Variants in ARFGEF1 observed in about 807,000 individuals in gnomAD.
The protein encoded by ARFGEF1 is ARF guanine nucleotide exchange factor 1.
A neutral mutation model predicts 231.0 loss-of-function variants in ARFGEF1; 42 were observed. That is an observed-to-expected ratio of 0.18 (90% CI 0.14 to 0.24). The LOEUF (loss-of-function observed/expected upper bound fraction) is 0.24. Ranked by LOEUF, ARFGEF1 falls within the 10% of genes least tolerant of loss-of-function variation. ARFGEF1 has a pLI of 1.00. For synonymous variants in ARFGEF1, 710 were observed against 732.3 expected, an observed-to-expected ratio of 0.97 and a Z score of 0.49; for missense variants, 1,345 against 2,192.0, an observed-to-expected ratio of 0.61 and a Z score of 7.72.
intron 5 of ARFGEF1, among the ~76,000 whole-genome samples, chr8:67,293,953 C>T (rs962060865): frequency 1.1e-4 from 17 of 152,088 alleles, no homozygotes; most frequent in African/African-American, 4.8e-5. Flanking sequence ...AAGTACAGTT[C>T]GCCCTCTGTG....
intron 9 of ARFGEF1, among the ~76,000 whole-genome samples, 161 bp from the exon 10 acceptor site, chr8:67,272,097 T>C (rs1429076175): frequency 3.9e-5 from 6 of 152,234 alleles, no homozygotes; most frequent in South Asian, 2.1e-4. Context: ...GTACAGTACA[T>C]GAACAACTTA....
At chr8:67,233,684 ATC>A (rs1248650465) in intron 22 of ARFGEF1, among the ~76,000 whole-genome samples, 1 of 151,640 alleles carries the variant, frequency 6.6e-6, no homozygotes, top group African/African-American at 2.4e-5. Context: ...TCCCTCTTCA[ATC>A]TCTCTTTCAT....
chr8:67,294,436 A>G (rs1228369889), intron 5 of ARFGEF1, among the ~76,000 whole-genome samples: 2 of 152,202 alleles, frequency 1.3e-5, no homozygotes, highest in Non-Finnish European at 2.9e-5. Context: ...TAACTAGAAA[A>G]TAATATTTTG....
chr8:67,238,545 A>C (rs1839837657), intron 21 of ARFGEF1, 52 bp from the exon 22 acceptor site: 2 of 1,531,386 alleles, frequency 1.3e-6, no homozygotes, highest in East Asian at 4.7e-5. Context: ...AAATATCTTC[A>C]AAAAGATTTA....
Position 67,211,528 on chromosome 8 carries a change from C to A in ARFGEF1, c.4774G>T (p.Ala1592Ser). 1 of 1,595,474 alleles carries A rather than the reference C, an allele frequency of 6.3e-7. No individual in the cohort carries two copies. The highest frequency in any genetic ancestry group is 8.5e-7 in the Non-Finnish European group (1 of 1,172,742). Residue 1592 changes from alanine (A) to serine (S), a missense_variant, in exon 34 of 39, where the codon GCG (alanine) becomes TCG (serine). Ala to Ser is a moderately conservative substitution (Grantham distance 99). Coordinates refer to ENST00000262215, the MANE Select transcript of ARFGEF1 (RefSeq NM_006421.5). ...CTGACTTCTTCATTAACAGCAGACG[C>A]AGAAACCAGTGGTGCTTGTGGTCTG... ...DNRPQAPLVS[A>S]SAVNEEVSKI...
At chr8:67,238,172 C>T (rs939639763) in intron 22 of ARFGEF1, among the ~76,000 whole-genome samples, 171 bp downstream of exon 22, 7 of 152,192 alleles carry the variant, frequency 4.6e-5, no homozygotes, top group Non-Finnish European at 1.0e-4. Context: ...TTTAATGTTG[C>T]AAACCAGACC....
intron 7 of ARFGEF1, among the ~76,000 whole-genome samples, chr8:67,277,880 T>C (rs1346743243): frequency 6.6e-6 from 1 of 152,238 alleles, no homozygotes; most frequent in East Asian, 1.9e-4. Flanking sequence ...TGCTAATATG[T>C]ACAAAACTCT....
At chr8:67,210,515 C>G (rs1838695572) in intron 34 of ARFGEF1, among the ~76,000 whole-genome samples, 2 of 152,002 alleles carry the variant, frequency 1.3e-5, no homozygotes, top group African/African-American at 2.4e-5. Flanking sequence ...AAGTGGGGTG[C>G]TCCTGCTTAG....
chr8:67,258,846 C>T (rs1338247578), intron 15 of ARFGEF1, among the ~76,000 whole-genome samples: 1 of 151,874 alleles, frequency 6.6e-6, no homozygotes, highest in Admixed American at 6.6e-5. Context: ...CACACACACA[C>T]ACACACACCA....
At position 67,232,956 on chromosome 8, in the gene ARFGEF1, TAA is replaced by T. The variant is rs534086965; in HGVS notation, c.3290-13_3290-12del. 1 of 1,586,876 alleles carries T rather than the reference TAA, an allele frequency of 6.3e-7. No individual in the cohort carries two copies. The highest frequency in any genetic ancestry group is 1.8e-5 in the Admixed American group (1 of 56,940). ...CCACATTTCCTCCAACTACCACACA[TAA>T]AAAAAAGTCATTTCAGTTTGAAAAT... On this transcript the variant is annotated splice_polypyrimidine_tract_variant and intron_variant, in intron 22 of 38. Coordinates refer to ENST00000262215, the MANE Select transcript of ARFGEF1 (RefSeq NM_006421.5).
At chr8:67,335,128 CAG>C (rs1292454628) in intron 1 of ARFGEF1, among the ~76,000 whole-genome samples, 26 of 119,740 alleles carry the variant, frequency 2.2e-4, no homozygotes, top group African/African-American at 6.3e-4. Context: ...TTTTTTGAGA[CAG>C]AGTCTCACTC....
At chr8:67,258,329 C>CTTT in intron 15 of ARFGEF1, 39 bp from the exon 16 acceptor site, 63 of 1,127,078 alleles carry the variant, frequency 5.6e-5, no homozygotes, top group South Asian at 6.3e-5. Context: ...TATTTTCTTT[C>CTTT]TTTTTTTTTT....
intron 1 of ARFGEF1, among the ~76,000 whole-genome samples, chr8:67,327,319 CTT>C (rs140446436): frequency 2.9e-4 from 39 of 133,956 alleles, no homozygotes; most frequent in Admixed American, 6.0e-4. Context: ...TGACGTACGT[CTT>C]TTTTTTTTTT....
rs140159069 is a variant in ARFGEF1 at position 67,225,432 on chromosome 8, C to T, written c.4078-399G>A. 6.4e-3 allele frequency among the ~76,000 whole-genome samples: 981 copies of T among 152,262 alleles called. 7 individuals are homozygous for T. The highest frequency in any genetic ancestry group is 0.023 in the African/African-American group (940 of 41,536). On this transcript the variant is annotated intron_variant, in intron 28 of 38. Coordinates refer to ENST00000262215, the MANE Select transcript of ARFGEF1 (RefSeq NM_006421.5). ...ATCTAAAAAGTACCAAGCACCTGAT[C>T]GGTCCATGGTAGTACGGAATAAAAT...
chr8:67,335,911 G>A (rs957339221), intron 1 of ARFGEF1, among the ~76,000 whole-genome samples: 20 of 151,972 alleles, frequency 1.3e-4, no homozygotes, highest in African/African-American at 4.3e-4. Flanking sequence ...CACCACGCCC[G>A]GCTAACTTTT....
chr8:67,292,550 G>A (rs1370927715), intron 5 of ARFGEF1, among the ~76,000 whole-genome samples: 3 of 152,088 alleles, frequency 2.0e-5, no homozygotes, highest in African/African-American at 7.2e-5. Flanking sequence ...TCTGGAGCAT[G>A]TTCTTATGTC....
chr8:67,288,489 T>G (rs1346607516), intron 6 of ARFGEF1, among the ~76,000 whole-genome samples: 1 of 152,128 alleles, frequency 6.6e-6, no homozygotes, highest in Non-Finnish European at 1.5e-5. Context: ...TTTCAGCAAC[T>G]TGGGAGGCCA....
intron 29 of ARFGEF1, among the ~76,000 whole-genome samples, chr8:67,223,329 C>T (rs978975522): frequency 1.3e-5 from 2 of 152,110 alleles, no homozygotes; most frequent in African/African-American, 4.8e-5. Flanking sequence ...GCCTCAGCCT[C>T]ATGAGCAGCA....
At chr8:67,208,759 ACTT>A (rs1016486192) in intron 34 of ARFGEF1, among the ~76,000 whole-genome samples, 1 of 152,150 alleles carries the variant, frequency 6.6e-6, no homozygotes, top group Non-Finnish European at 1.5e-5. Context: ...GAAAAATTGG[ACTT>A]CATCAAAATT....
Sources: allele counts gnomAD v4.1 joint callset (sites outside exome capture counted in the v4.1 genomes callset), GRCh38; gene constraint gnomAD v4.1.1; transcripts MANE v1.5; gene names NCBI Gene and HGNC (gene_info 2026-07-23, HGNC 2026-07-21).